Variants in NUBP1 observed in about 807,000 individuals in gnomAD.
NUBP1 encodes NUBP iron-sulfur cluster assembly factor 1, cytosolic.
In NUBP1, 46 loss-of-function variants were observed where a neutral mutation model predicts 41.8. The observed-to-expected ratio is 1.10, with a 90% CI of 0.87 to 1.41. NUBP1 has a LOEUF of 1.41. Among genes scored for constraint, NUBP1 ranks in the 40% most tolerant of loss-of-function variants. The probability of loss-of-function intolerance (pLI) is 0.00; values close to 1 mark genes in which losing one functional copy is unlikely to be tolerated. For missense variants in NUBP1, 494 were observed against 414.0 expected (o/e 1.19, Z -1.68); for synonymous variants, 189 against 154.6 (o/e 1.22, Z -1.65).
In NUBP1 at chr16:10,767,955, AT is replaced by A; in HGVS notation, c.829del (p.Cys277ValfsTer18). On this transcript the variant is annotated frameshift_variant, in exon 10 of 11. Transcript: ENST00000283027. LOFTEE classifies it high-confidence loss of function. The surrounding 1 kb of genome is among the most constrained non-coding windows in gnomAD (Gnocchi z 4.6). ...CGTTTGTTTCTTTTTTAAGGTAAGA[AT>A]TGTGACAAAGGCCAGTCTTTTTTCA... ...RVPLDPLIGK[N>X]CDKGQSFFID... 6.2e-7 allele frequency: 1 copy of A among 1,614,104 alleles called. No individual in the cohort carries two copies. The highest frequency in any genetic ancestry group is 8.5e-7 in the Non-Finnish European group (1 of 1,179,992).
rs1567268968 is a variant in NUBP1 at position 10,766,855 on chromosome 16, C to T, written c.821-1094C>T. On this transcript the variant is annotated intron_variant, in intron 9 of 10. Coordinates refer to ENST00000283027, the MANE Select transcript of NUBP1 (RefSeq NM_002484.4). The surrounding 1 kb of genome is among the most constrained non-coding windows in gnomAD (Gnocchi z 4.8). ...TGAAGTAAAGTTACAAAGTCATTTA[C>T]GGCATACGTCCTATGGAGAGGACAT... The T allele has an allele frequency of 1.5e-5, 6 of 398,164 alleles. No individual in the cohort carries two copies. Among genetic ancestry groups the T allele is most frequent in the Non-Finnish European group, 2.2e-5 (5 of 226,056 alleles). The allele number at this position is 398,164 out of a possible 1,614,324, so 24.7% of individuals were successfully genotyped here. A position where few individuals can be genotyped will look rare whatever the true frequency, so the allele number is the denominator to read the frequency against.
intron 7 of NUBP1, among the ~76,000 whole-genome samples, chr16:10,760,573 T>TA (rs1900877667): frequency 6.6e-6 from 1 of 152,076 alleles, no homozygotes; most frequent in African/African-American, 2.4e-5. Flanking sequence ...ACCATCTCTA[T>TA]AAAAAATTAA....
chr16:10,744,084 C>T lies in NUBP1; in HGVS notation c.124+19C>T, dbSNP rs1253202280. The T allele has an allele frequency of 7.1e-6, 11 of 1,545,150 alleles. No homozygotes were observed. Among genetic ancestry groups the T allele is most frequent in the Admixed American group, 4.3e-5 (2 of 46,572 alleles). On this transcript the variant is annotated intron_variant, in intron 2 of 10. Transcript: ENST00000283027. Reference sequence around the variant, plus strand: ...GACACGGGTGAGAAAAGGGCAAGGCCTCAACAGGAACTTAGAGGCGCAGGC... The same window carrying T: ...GACACGGGTGAGAAAAGGGCAAGGCTTCAACAGGAACTTAGAGGCGCAGGC...
chr16:10,758,124 C>T, intron 7 of NUBP1, 97 bp downstream of exon 7: 1 of 1,401,964 alleles, frequency 7.1e-7, no homozygotes, highest in Non-Finnish European at 9.8e-7. Context: ...CACCAAGGCT[C>T]TTCCCAGTGT....
At chr16:10,764,948 G>A in intron 9 of NUBP1, 1 of 181,026 alleles carries the variant, frequency 5.5e-6, no homozygotes. Flanking sequence ...CTGCTGTCGA[G>A]GAAAGCTGGG....
At position 10,761,407 on chromosome 16, in the gene NUBP1, G is replaced by T. The variant is rs533138388; in HGVS notation, c.650G>T (p.Arg217Leu). Reference sequence around the variant, plus strand: ...GTCCGGAAAGAAATCAACTTCTGCCGCAAGGTGAAGCTGCCCATCATCGGG... The same window carrying T: ...GTCCGGAAAGAAATCAACTTCTGCCTCAAGGTGAAGCTGCCCATCATCGGG... ...QDVRKEINFC[R>L]KVKLPIIGVV... Residue 217 changes from arginine to leucine, a missense_variant, in exon 8 of 11, where the codon CGC becomes CTC. Arg to Leu is a moderately radical substitution (Grantham distance 102, BLOSUM62 -2). Coordinates refer to ENST00000283027, the MANE Select transcript of NUBP1 (RefSeq NM_002484.4). 2 of 1,614,122 alleles carry T rather than the reference G, an allele frequency of 1.2e-6. No homozygotes were observed. Among genetic ancestry groups the T allele is most frequent in the Non-Finnish European group, 1.7e-6 (2 of 1,179,998 alleles).
At chr16:10,760,125 T>C (rs1235364127) in intron 7 of NUBP1, among the ~76,000 whole-genome samples, 1 of 152,270 alleles carries the variant, frequency 6.6e-6, no homozygotes, top group Admixed American at 6.5e-5. Context: ...TTGGGCAGTA[T>C]TCCTTATTTC....
Position 10,768,307 on chromosome 16 carries a change from A to T in NUBP1, c.904+275A>T. 1 of 200,046 alleles carries T rather than the reference A, an allele frequency of 5.0e-6. No homozygotes were observed. The highest frequency in any genetic ancestry group is 9.4e-6 in the Non-Finnish European group (1 of 106,802). 12.4% of individuals were successfully genotyped at this position (200,046 alleles called of 1,614,324 possible). A position where few individuals can be genotyped will look rare whatever the true frequency, so the allele number is the denominator to read the frequency against. ...AGTAATTCATTTTTAAAAGTAACTG[A>T]TAAAAAAAAAAAAGGCCAGGTGCAG... is the stretch of plus-strand genomic sequence containing the variant. On this transcript the variant is annotated intron_variant, in intron 10 of 10. Transcript: ENST00000283027. This position sits in a 1 kb window ranked among gnomAD's most constrained non-coding sequence, Gnocchi z 4.3.
At chr16:10,755,622 A>T (rs2142711275) in intron 4 of NUBP1, 99 bp from the exon 5 acceptor site, 2 of 1,267,594 alleles carry the variant, frequency 1.6e-6, no homozygotes, top group Admixed American at 1.8e-5. Context: ...ATTATATTTT[A>T]AAAAACCATC....
intron 2 of NUBP1, 69 bp downstream of exon 2, chr16:10,744,134 G>A (rs929060755): frequency 1.7e-6 from 2 of 1,175,114 alleles, no homozygotes; most frequent in South Asian, 1.4e-5. Flanking sequence ...GCGTGGGAGG[G>A]AGGGGGCGGG....
Position 10,757,939 on chromosome 16 carries a change from C to CA in NUBP1, c.519dup (p.Pro174ThrfsTer6). 1 of 1,614,114 alleles carries CA rather than the reference C, an allele frequency of 6.2e-7. No individual in the cohort carries two copies. Among genetic ancestry groups the CA allele is most frequent in the Admixed American group, 1.7e-5 (1 of 60,016 alleles). On this transcript the variant is annotated frameshift_variant, in exon 7 of 11. Transcript: ENST00000283027. LOFTEE classifies it high-confidence loss of function. This position sits in a 1 kb window ranked among gnomAD's most constrained non-coding sequence, Gnocchi z 4.1. ...GTCGACTACCTCATTGTGGACACCC[C>CA]ACCTGGGACGTCGGATGAACACCTC...
In NUBP1 at chr16:10,765,402, G is replaced by A. The variant is rs1346897346; in HGVS notation, c.821-2547G>A. Among the ~76,000 whole-genome samples the A allele has an allele frequency of 6.6e-6, 1 of 151,576 alleles. No individual in the cohort carries two copies. Among genetic ancestry groups the A allele is most frequent in the Non-Finnish European group, 1.5e-5 (1 of 67,968 alleles). ...TGTGCCTGTGGTCCCAGCTACTCAG[G>A]AGGCTGAGTTAGCAGGATCACTTGA... On this transcript the variant is annotated intron_variant, in intron 9 of 10. Coordinates refer to ENST00000283027, the MANE Select transcript of NUBP1 (RefSeq NM_002484.4). This position sits in a 1 kb window ranked among gnomAD's most constrained non-coding sequence, Gnocchi z 4.0.
chr16:10,760,904 A>G (rs567779102), intron 7 of NUBP1: 2 of 169,060 alleles, frequency 1.2e-5, no homozygotes, highest in Admixed American at 1.1e-4. Flanking sequence ...GAACTGCCTG[A>G]GACTGGGTAA....
intron 9 of NUBP1, chr16:10,762,107 G>A: frequency 2.6e-6 from 1 of 385,968 alleles, no homozygotes. Context: ...GAATGGGGTA[G>A]AGGTTGGTGA....
Position 10,769,077 on chromosome 16 carries a change from C to G in NUBP1, c.935C>G (p.Ser312Ter). 6.2e-7 allele frequency: 1 copy of G among 1,613,972 alleles called. No individual in the cohort carries two copies. Among genetic ancestry groups the G allele is most frequent in the Non-Finnish European group, 8.5e-7 (1 of 1,179,972 alleles). Residue 312 changes from serine to a stop codon, truncating the protein, a stop_gained, in exon 11 of 11, where the codon TCA becomes TGA. Coordinates refer to ENST00000283027, the MANE Select transcript of NUBP1 (RefSeq NM_002484.4). LOFTEE classifies it high-confidence loss of function. ...RIQEFCNLHQ[S>*]KEENLISS ...CAAGAGTTTTGTAATCTCCATCAGT[C>G]AAAAGAAGAGAACCTCATCAGTTCC...
At chr16:10,748,022 A>T (rs1331692075) in intron 3 of NUBP1, among the ~76,000 whole-genome samples, 1 of 152,140 alleles carries the variant, frequency 6.6e-6, no homozygotes, top group Non-Finnish European at 1.5e-5. Flanking sequence ...ATCAGGACTC[A>T]TTGCAACCTC....
intron 3 of NUBP1, among the ~76,000 whole-genome samples, chr16:10,748,006 G>T (rs1219977815): frequency 1.3e-5 from 2 of 152,132 alleles, no homozygotes; most frequent in Non-Finnish European, 2.9e-5. Context: ...GAAGTGCATT[G>T]CTATGATCAG....
chr16:10,759,670 G>C lies in NUBP1; in HGVS notation c.606+1643G>C, dbSNP rs1596461148. On this transcript the variant is annotated intron_variant, in intron 7 of 10. Coordinates refer to ENST00000283027, the MANE Select transcript of NUBP1 (RefSeq NM_002484.4). The surrounding 1 kb of genome is among the most constrained non-coding windows in gnomAD (Gnocchi z 4.7). ...GGGCACCTGTAATCCCAGCTACTTGGGAGGCTGAGGTGGGAGAAGTGCTTG... is the reference window on the plus strand; with the variant it reads ...GGGCACCTGTAATCCCAGCTACTTGCGAGGCTGAGGTGGGAGAAGTGCTTG... Among the ~76,000 whole-genome samples the C allele has an allele frequency of 6.6e-6, 1 of 152,232 alleles. No homozygotes were observed. The highest frequency in any genetic ancestry group is 1.9e-4 in the East Asian group (1 of 5,164).
At chr16:10,745,236 G>A (rs911361744) in intron 2 of NUBP1, among the ~76,000 whole-genome samples, 21 of 151,674 alleles carry the variant, frequency 1.4e-4, no homozygotes, top group African/African-American at 3.6e-4. Context: ...AGGCCGAGGC[G>A]GGTGGATGGA....
Sources: gnomAD v4.1 joint callset for allele counts (sites outside exome capture counted in the v4.1 genomes callset) on GRCh38, gnomAD v4.1.1 for gene constraint, Gnocchi (gnomAD v3.1) non-coding constraint, MANE v1.5 for transcripts, NCBI Gene and HGNC (gene_info 2026-07-23, HGNC 2026-07-21) for gene names.